Variants in JAML observed in about 807,000 individuals in gnomAD.
The protein encoded by JAML is junctional adhesion molecule-like.
A neutral mutation model predicts 39.3 loss-of-function variants in JAML; 25 were observed. The ratio of observed to expected loss-of-function variants is 0.64; its 90% CI spans 0.46 to 0.89. JAML has a LOEUF of 0.89. Among genes scored for constraint, JAML ranks in the 40% least tolerant of loss-of-function variants. JAML has a pLI of 0.00. For missense variants in JAML, 440 were observed against 486.9 expected (o/e 0.90, Z 0.91); for synonymous variants, 162 against 179.2 (o/e 0.90, Z 0.77).
At position 118,194,377 on chromosome 11, in the gene JAML, G is replaced by A; in HGVS notation, c.1133C>T (p.Ser378Leu). Residue 378 changes from serine to leucine, a missense_variant, in exon 10 of 10, where the codon TCA becomes TTA. Transcript: ENST00000356289. Reference protein sequence around the residue: ...WPSLRSDRNNSLEKKSGGGMP... With the variant: ...WPSLRSDRNNLLEKKSGGGMP... Reference sequence around the variant, plus strand: ...TCCCCCACCTGACTTTTTTTCAAGTGAGTTGTTCCGATCTGACCTCAGAGA... The same window carrying A: ...TCCCCCACCTGACTTTTTTTCAAGTAAGTTGTTCCGATCTGACCTCAGAGA... 1 of 1,614,066 alleles carries A rather than the reference G, an allele frequency of 6.2e-7. No homozygotes were observed. Among genetic ancestry groups the A allele is most frequent in the African/African-American group, 1.3e-5 (1 of 75,016 alleles).
In JAML at chr11:118,198,040, C is replaced by T. The variant is rs1948697422; in HGVS notation, c.963G>A (p.Glu321=). The T allele has an allele frequency of 1.2e-6, 2 of 1,614,090 alleles. No individual in the cohort carries two copies. Among genetic ancestry groups the T allele is most frequent in the Middle Eastern group, 1.6e-4 (1 of 6,084 alleles). ...LVKNTKKTNP[E]IKEKPCHFER... ...CAAAATGGCAGGGTTTTTCTTTTAT[C>T]TCTGGATTAGTCTTCTTCGTGTTCT... The change falls in exon 8 of 10, where the codon GAG becomes GAA. Residue 321 remains glutamate (E), a synonymous_variant. Coordinates refer to ENST00000356289, the MANE Select transcript of JAML (RefSeq NM_001098526.2).
chr11:118,206,578 A>T (rs746894624), intron 4 of JAML, among the ~76,000 whole-genome samples: 1 of 152,154 alleles, frequency 6.6e-6, no homozygotes, highest in African/African-American at 2.4e-5. Context: ...TTATTCTAGG[A>T]CCTAGTTCTG....
At chr11:118,207,653 C>T (rs952157208) in intron 4 of JAML, among the ~76,000 whole-genome samples, 1 of 149,224 alleles carries the variant, frequency 6.7e-6, no homozygotes, top group African/African-American at 2.6e-5. Flanking sequence ...AATGGAGTTG[C>T]CATGTTGGTG....
At chr11:118,213,729 A>C (rs1004734827) in intron 2 of JAML, among the ~76,000 whole-genome samples, 2 of 152,224 alleles carry the variant, frequency 1.3e-5, no homozygotes, top group Non-Finnish European at 2.9e-5. Flanking sequence ...GAAGAAGATG[A>C]GATTTTCTGC....
At chr11:118,203,725 G>T in intron 5 of JAML, 60 bp from the exon 6 acceptor site, 1 of 1,401,890 alleles carries the variant, frequency 7.1e-7, no homozygotes, top group Non-Finnish European at 1.0e-6. Flanking sequence ...GGGGAGCAGA[G>T]AAAATGGGGG....
chr11:118,213,011 T>C, intron 2 of JAML: 1 of 1,612,132 alleles, frequency 6.2e-7, no homozygotes, highest in Non-Finnish European at 8.5e-7. Context: ...TCCCTTTCTT[T>C]TAGTTCCTTT....
intron 2 of JAML, among the ~76,000 whole-genome samples, chr11:118,214,388 A>G (rs1050789137): frequency 1.3e-5 from 2 of 152,182 alleles, no homozygotes; most frequent in Admixed American, 6.5e-5. Context: ...AAACCACCAT[A>G]AATTGGGAAA....
chr11:118,210,848 A>G (rs1949043657), intron 3 of JAML, 136 bp from the exon 4 acceptor site: 1 of 688,490 alleles, frequency 1.5e-6, no homozygotes, highest in Non-Finnish European at 2.5e-6. Context: ...TACCCAGTTA[A>G]TAAAAATAAT....
chr11:118,223,678 A>G (rs1022347781), intron 1 of JAML, among the ~76,000 whole-genome samples: 1 of 152,110 alleles, frequency 6.6e-6, no homozygotes, highest in African/African-American at 2.4e-5. Flanking sequence ...TTTTGGAGTT[A>G]TCATTTTGGC....
At chr11:118,211,295 T>G (rs1242506164) in intron 3 of JAML, among the ~76,000 whole-genome samples, 1 of 152,156 alleles carries the variant, frequency 6.6e-6, no homozygotes, top group African/African-American at 2.4e-5. Context: ...CGGGCTGGAG[T>G]GCAGTGGCAC....
intron 7 of JAML, 113 bp from the exon 8 acceptor site, chr11:118,198,204 A>C: frequency 1.2e-6 from 1 of 864,184 alleles, no homozygotes; most frequent in South Asian, 1.5e-5. Flanking sequence ...AGAAGGAACT[A>C]TTCTCTCTGG....
chr11:118,216,343 T>C (rs1949142678), intron 1 of JAML, among the ~76,000 whole-genome samples: 1 of 149,064 alleles, frequency 6.7e-6, no homozygotes, highest in Non-Finnish European at 1.5e-5. Flanking sequence ...CACTCCAGCC[T>C]GGGCGACAGA....
At chr11:118,213,229 G>A (rs1949095743) in intron 2 of JAML, 3 of 1,272,038 alleles carry the variant, frequency 2.4e-6, no homozygotes, top group African/African-American at 3.0e-5. Context: ...ATTTCGAGCG[G>A]TCACTACAAG....
At chr11:118,224,686 G>A (rs1848626104) in intron 1 of JAML, among the ~76,000 whole-genome samples, 2 of 152,160 alleles carry the variant, frequency 1.3e-5, no homozygotes. Flanking sequence ...CATAATCATT[G>A]TCACGTACTC....
intron 1 of JAML, among the ~76,000 whole-genome samples, chr11:118,218,961 T>A (rs991644744): frequency 6.6e-6 from 1 of 152,206 alleles, no homozygotes; most frequent in Non-Finnish European, 1.5e-5. Context: ...TAGTAAGTTA[T>A]CTCATCTGTT....
At chr11:118,210,926 G>T (rs1364746626) in intron 3 of JAML, among the ~76,000 whole-genome samples, 6 of 152,206 alleles carry the variant, frequency 3.9e-5, no homozygotes, top group Admixed American at 3.9e-4. Context: ...ATGGAGAAAT[G>T]CAGTCCACAT....
intron 5 of JAML, chr11:118,205,616 G>A: frequency 2.5e-6 from 1 of 401,296 alleles, no homozygotes; most frequent in Non-Finnish European, 4.6e-6. Context: ...CTAAAATGCA[G>A]GGGCCAAGTC....
At chr11:118,200,724 C>T in intron 6 of JAML, 112 bp from the exon 7 acceptor site, 5 of 1,192,678 alleles carry the variant, frequency 4.2e-6, no homozygotes, top group Non-Finnish European at 6.0e-6. Context: ...GAGGGGAAGG[C>T]CAGACTCCAC....
intron 8 of JAML, 103 bp from the exon 9 acceptor site, chr11:118,196,924 C>T: frequency 6.7e-6 from 6 of 895,182 alleles, no homozygotes; most frequent in Non-Finnish European, 1.1e-5. Context: ...ACCACCCAAA[C>T]TGCTGGTTCA....
Sources: allele counts gnomAD v4.1 joint callset (sites outside exome capture counted in the v4.1 genomes callset), GRCh38; gene constraint gnomAD v4.1.1; transcripts MANE v1.5; gene names NCBI Gene and HGNC (gene_info 2026-07-23, HGNC 2026-07-21).